BASP1: variants seen among roughly 807,000 people sequenced by gnomAD.
BASP1 encodes brain abundant membrane attached signal protein 1.
In BASP1, 1 loss-of-function variant was observed where a neutral mutation model predicts 2.2. The ratio of observed to expected loss-of-function variants is 0.46; its 90% confidence interval spans 0.16 to 2.17. The LOEUF (loss-of-function observed/expected upper bound fraction) is 2.17, where lower values mean the gene tolerates loss of function less well. Ranked by LOEUF, BASP1 falls within the 30% of genes most tolerant of loss-of-function variation. The pLI is 0.27. For synonymous variants in BASP1, 187 were observed against 154.2 expected (o/e 1.21, Z -1.58); for missense variants, 352 against 327.2 (o/e 1.08, Z -0.58).
intron 1 of BASP1, among the ~76,000 whole-genome samples, chr5:17,274,042 TTA>T (rs1740579773): frequency 6.6e-6 from 1 of 152,158 alleles, no homozygotes; most frequent in Non-Finnish European, 1.5e-5. Flanking sequence ...ATTTATAAAT[TTA>T]TAATTTATTA....
chr5:17,247,914 G>A (rs1740027347), intron 1 of BASP1, among the ~76,000 whole-genome samples: 1 of 152,136 alleles, frequency 6.6e-6, no homozygotes, highest in African/African-American at 2.4e-5. Context: ...CCTGGAAAAG[G>A]GCATTGGTGA....
At chr5:17,250,239 G>A (rs1328473747) in intron 1 of BASP1, among the ~76,000 whole-genome samples, 1 of 152,070 alleles carries the variant, frequency 6.6e-6, no homozygotes, top group African/African-American at 2.4e-5. Context: ...GAGCCACCGC[G>A]CCCGGCCCTG....
At chr5:17,249,705 T>G (rs923545525) in intron 1 of BASP1, among the ~76,000 whole-genome samples, 4 of 152,216 alleles carry the variant, frequency 2.6e-5, no homozygotes, top group African/African-American at 9.6e-5. Context: ...ATTTAGACTC[T>G]ATTTTTTTTC....
In BASP1 at chr5:17,275,165, G is replaced by A; in HGVS notation, c.-9-43G>A. The A allele has an allele frequency of 1.3e-6, 2 of 1,599,180 alleles. No homozygotes were observed. The highest frequency in any genetic ancestry group is 1.7e-6 in the Non-Finnish European group (2 of 1,170,616). ...GCAGCTTTTTGTGGTCCCCACACTT[G>A]CCTAGTAACCGCCGTTTTGTTTTGT... On this transcript the variant is annotated intron_variant, in intron 1 of 1. Coordinates refer to ENST00000322611, the MANE Select transcript of BASP1 (RefSeq NM_006317.5). This position sits in a 1 kb window ranked among gnomAD's most constrained non-coding sequence, Gnocchi z 5.3.
chr5:17,257,276 G>A (rs1481327464), intron 1 of BASP1, among the ~76,000 whole-genome samples: 3 of 151,846 alleles, frequency 2.0e-5, no homozygotes, highest in Admixed American at 6.6e-5. Flanking sequence ...GATATTGCAG[G>A]CTATAACCTA....
At chr5:17,262,716 G>A (rs1308771215) in intron 1 of BASP1, among the ~76,000 whole-genome samples, 1 of 151,936 alleles carries the variant, frequency 6.6e-6, no homozygotes, top group African/African-American at 2.4e-5. Context: ...TCTTGATAAC[G>A]TTTGACTTAC....
rs376463520 is a variant in BASP1, at chr5:17,275,929, C to G, written c.*29C>G. The stretch of plus-strand genomic sequence containing the variant: ...GGACAGCCTATAGGAAAAACAATAC[C>G]ACTTAAAACAATCTCCTCTCTCTCT... On this transcript the variant is annotated 3_prime_UTR_variant, in exon 2 of 2. Coordinates refer to ENST00000322611, the MANE Select transcript of BASP1 (RefSeq NM_006317.5). The surrounding 1 kb of genome is among the most constrained non-coding windows in gnomAD (Gnocchi z 5.3). 6.0e-6 allele frequency: 9 copies of G among 1,501,072 alleles called. No homozygotes were observed. The Admixed American group carries it at 6.8e-5, about 11-fold the overall frequency. The allele number at this position is 1,501,072 out of a possible 1,614,324, so 93.0% of individuals were successfully genotyped here.
chr5:17,246,849 A>C (rs921124895), intron 1 of BASP1, among the ~76,000 whole-genome samples: 16 of 152,158 alleles, frequency 1.1e-4, no homozygotes, highest in Admixed American at 8.5e-4. Flanking sequence ...GGCAGTGACC[A>C]TTGAGAATCA....
intron 1 of BASP1, among the ~76,000 whole-genome samples, chr5:17,226,273 A>G (rs1739503055): frequency 1.3e-5 from 2 of 152,262 alleles, no homozygotes; most frequent in Admixed American, 1.3e-4. Flanking sequence ...TTAGAGAAAA[A>G]TACTTCTTTT....
intron 1 of BASP1, among the ~76,000 whole-genome samples, chr5:17,254,643 C>T (rs1740164670): frequency 6.6e-6 from 1 of 152,188 alleles, no homozygotes; most frequent in Admixed American, 6.5e-5. Flanking sequence ...TGAATAATCA[C>T]ATTTATTTAT....
chr5:17,266,581 C>T (rs947098096), intron 1 of BASP1, among the ~76,000 whole-genome samples: 2 of 152,124 alleles, frequency 1.3e-5, no homozygotes, highest in Non-Finnish European at 2.9e-5. Context: ...CTGAGGCAAG[C>T]GAATCACCTG....
In BASP1 at chr5:17,266,331, T is replaced by C. The variant is rs533666688; in HGVS notation, c.-9-8877T>C. Among the ~76,000 whole-genome samples, 12 of 152,314 alleles carry C rather than the reference T, an allele frequency of 7.9e-5. No homozygotes were observed. The East Asian group carries it at 2.3e-3, about 29-fold the overall frequency. ...TGATGAAAAGAGAATTTATTCAAAA[T>C]GAGAGGCATTTTTTCTGTTCCTTCG... is the stretch of plus-strand genomic sequence containing the variant. On this transcript the variant is annotated intron_variant, in intron 1 of 1. Transcript: ENST00000322611.
chr5:17,241,940 A>C (rs1261925730), intron 1 of BASP1, among the ~76,000 whole-genome samples: 2 of 152,220 alleles, frequency 1.3e-5, no homozygotes, highest in East Asian at 3.9e-4. Context: ...GAAGGAAGGA[A>C]CTCTCAACCG....
At chr5:17,241,124 G>A (rs1739854613) in intron 1 of BASP1, among the ~76,000 whole-genome samples, 1 of 146,970 alleles carries the variant, frequency 6.8e-6, no homozygotes, top group Non-Finnish European at 1.5e-5. Flanking sequence ...TCTTGAGGCC[G>A]AGTTTTGCTC....
intron 1 of BASP1, among the ~76,000 whole-genome samples, chr5:17,225,095 C>T (rs1739470136): frequency 6.6e-6 from 1 of 152,218 alleles, no homozygotes; most frequent in African/African-American, 2.4e-5. Context: ...TGCTCAGAGT[C>T]CCACGAGCTG....
intron 1 of BASP1, among the ~76,000 whole-genome samples, chr5:17,255,419 G>T (rs78156399): frequency 1.4e-3 from 218 of 152,092 alleles, no homozygotes; most frequent in African/African-American, 4.9e-3. Context: ...CATTAAAACA[G>T]ACTCATGAGT....
chr5:17,261,119 C>T (rs565887399), intron 1 of BASP1, among the ~76,000 whole-genome samples: 44 of 152,294 alleles, frequency 2.9e-4, no homozygotes, highest in African/African-American at 1.0e-3. Context: ...AAGACCAAGA[C>T]CAGATTGCAC....
Position 17,267,815 on chromosome 5 carries a change from C to T in BASP1, c.-9-7393C>T, listed in dbSNP as rs558149509. Among the ~76,000 whole-genome samples the T allele has an allele frequency of 8.5e-3, 271 of 32,058 alleles. 2 individuals are homozygous for T. Among genetic ancestry groups the T allele is most frequent in the African/African-American group, 0.036 (253 of 7,054 alleles). 21.0% of individuals were successfully genotyped at this position (32,058 alleles called of 152,430 possible). A position where few individuals can be genotyped will look rare whatever the true frequency, so the allele number is the denominator to read the frequency against. On this transcript the variant is annotated intron_variant, in intron 1 of 1. Coordinates refer to ENST00000322611, the MANE Select transcript of BASP1 (RefSeq NM_006317.5). ...TACAGGCGTGAGCCACCGCTCCCAG[C>T]CCTTTTTTTTTTTTTTTTTTTTTTT...
At chr5:17,264,640 A>G (rs1396832208) in intron 1 of BASP1, among the ~76,000 whole-genome samples, 4 of 152,210 alleles carry the variant, frequency 2.6e-5, no homozygotes, top group Admixed American at 6.5e-5. Context: ...AATGAAAAGG[A>G]GATGACTTCT....
Sources: gnomAD v4.1 joint callset for allele counts (sites outside exome capture counted in the v4.1 genomes callset) on GRCh38, gnomAD v4.1.1 for gene constraint, Gnocchi (gnomAD v3.1) non-coding constraint, MANE v1.5 for transcripts, NCBI Gene and HGNC (gene_info 2026-07-23, HGNC 2026-07-21) for gene names.